The following ETFDH variants were observed in gnomAD, a reference collection of about 807,000 sequenced individuals.
ETFDH encodes electron transfer flavoprotein dehydrogenase.
In ETFDH, 61 loss-of-function variants were observed where a neutral mutation model predicts 73.2. The ratio of observed to expected loss-of-function variants is 0.83; its 90% CI spans 0.68 to 1.03. The LOEUF (loss-of-function observed/expected upper bound fraction) is 1.03. ETFDH is among the 50% of genes least tolerant of loss of function. The probability of loss-of-function intolerance (pLI) is 0.00; values close to 1 mark genes in which losing one functional copy is unlikely to be tolerated. For synonymous variants in ETFDH, 243 were observed against 253.3 expected (o/e 0.96, Z 0.39); for missense variants, 685 against 745.0 (o/e 0.92, Z 0.94).
intron 1 of ETFDH, among the ~76,000 whole-genome samples, chr4:158,675,914 T>A (rs1465777197): frequency 6.6e-6 from 1 of 152,206 alleles, no homozygotes; most frequent in East Asian, 1.9e-4. Context: ...AGACTGTTTT[T>A]CAAAGAGACT....
chr4:158,674,666 A>T (rs1049587719), intron 1 of ETFDH, among the ~76,000 whole-genome samples: 2 of 152,232 alleles, frequency 1.3e-5, no homozygotes, highest in Non-Finnish European at 2.9e-5. Context: ...AAAAATGACC[A>T]AACACAGATT....
In ETFDH at chr4:158,707,926, G is replaced by A. The variant is rs17843970; in HGVS notation, c.1691-438G>A. On this transcript the variant is annotated intron_variant, in intron 12 of 12. Coordinates refer to ENST00000511912, the MANE Select transcript of ETFDH (RefSeq NM_004453.4). Reference sequence around the variant, plus strand: ...AAGTTATGGCCAGAGTGTGGCAAGTGCTTCCTTAAGATGGAAAAGGCATCA... The same window carrying A: ...AAGTTATGGCCAGAGTGTGGCAAGTACTTCCTTAAGATGGAAAAGGCATCA... 7.9e-3 allele frequency among the ~76,000 whole-genome samples: 1,197 copies of A among 152,312 alleles called. 37 individuals are homozygous for A. Among genetic ancestry groups the A allele is most frequent in the South Asian group, 0.077 (370 of 4,834 alleles).
chr4:158,703,712 G>A, intron 10 of ETFDH, 121 bp downstream of exon 10: 1 of 686,596 alleles, frequency 1.5e-6, no homozygotes, highest in East Asian at 2.7e-5. Context: ...AGCATGCTAT[G>A]CAAAGAAAAC....
intron 2 of ETFDH, 115 bp from the exon 3 acceptor site, chr4:158,682,080 C>T: frequency 3.6e-6 from 5 of 1,407,088 alleles, no homozygotes; most frequent in Non-Finnish European, 5.0e-6. Context: ...GTGCAAAACA[C>T]AGGGAGAATT....
At chr4:158,704,924 T>C (rs1774567113) in intron 10 of ETFDH, among the ~76,000 whole-genome samples, 1 of 151,828 alleles carries the variant, frequency 6.6e-6, no homozygotes, top group Non-Finnish European at 1.5e-5. Context: ...TAGAAGTTTT[T>C]TTCTAATTTT....
intron 6 of ETFDH, among the ~76,000 whole-genome samples, chr4:158,693,462 C>G (rs1019938907): frequency 6.6e-6 from 1 of 152,106 alleles, no homozygotes; most frequent in African/African-American, 2.4e-5. Flanking sequence ...CACGGCCTGT[C>G]CCTTGAACAC....
chr4:158,691,343 G>T (rs1015809767), intron 6 of ETFDH, among the ~76,000 whole-genome samples: 1 of 151,210 alleles, frequency 6.6e-6, no homozygotes, highest in Non-Finnish European at 1.5e-5. Context: ...TGTTTGTTTT[G>T]AGACGGAGTT....
At chr4:158,679,848 G>C (rs1429569386) in intron 1 of ETFDH, 1 of 151,738 alleles carries the variant, frequency 6.6e-6, no homozygotes, top group South Asian at 2.1e-4. Flanking sequence ...GAGGCAGGCA[G>C]ATCACTTGAG....
intron 5 of ETFDH, among the ~76,000 whole-genome samples, chr4:158,686,562 A>G (rs1488564094): frequency 2.0e-5 from 3 of 152,196 alleles, no homozygotes; most frequent in South Asian, 2.1e-4. Context: ...CCTCCGAGGT[A>G]TGGCTGGAGC....
chr4:158,702,692 T>C lies in ETFDH; in HGVS notation c.1117-731T>C, dbSNP rs146638771. Among the ~76,000 whole-genome samples, 55 of 152,354 alleles carry C rather than the reference T, an allele frequency of 3.6e-4. No individual in the cohort carries two copies. The East Asian group carries it at 9.8e-3, about 27-fold the overall frequency. ...TATTCCATTGTGTATATATATACCATGTTTCCTTGATCCATTCATCTGTTG... is the reference window on the plus strand; with the variant it reads ...TATTCCATTGTGTATATATATACCACGTTTCCTTGATCCATTCATCTGTTG... On this transcript the variant is annotated intron_variant, in intron 9 of 12. Coordinates refer to ENST00000511912, the MANE Select transcript of ETFDH (RefSeq NM_004453.4).
chr4:158,680,572 C>G lies in ETFDH; in HGVS notation c.140C>G (p.Thr47Ser). The G allele has an allele frequency of 6.2e-7, 1 of 1,609,546 alleles. No individual in the cohort carries two copies. The highest frequency in any genetic ancestry group is 8.5e-7 in the Non-Finnish European group (1 of 1,175,990). The change falls in exon 2 of 13, where the codon ACT becomes AGT. Residue 47 changes from threonine (T) to serine (S), a missense_variant. Physicochemically the swap from Thr to Ser is moderately conservative, Grantham distance 58. Around this residue, in one of 3 missense-constraint regions of ETFDH, gnomAD observed 405 missense variants for 399.3 expected, o/e 1.01. Coordinates refer to ENST00000511912, the MANE Select transcript of ETFDH (RefSeq NM_004453.4). ...GTGCCTCGAATTACTACCCATTATACTATTTATCCCCGGGATAAGGACAAG... is the reference window on the plus strand; with the variant it reads ...GTGCCTCGAATTACTACCCATTATAGTATTTATCCCCGGGATAAGGACAAG... ...STVPRITTHY[T>S]IYPRDKDKRW...
intron 12 of ETFDH, among the ~76,000 whole-genome samples, chr4:158,707,154 C>T (rs2126317595): frequency 6.6e-6 from 1 of 152,188 alleles, no homozygotes; most frequent in South Asian, 2.1e-4. Context: ...GTCATGGCAG[C>T]TCATCTGTAT....
intron 5 of ETFDH, among the ~76,000 whole-genome samples, chr4:158,689,009 G>A (rs1308370795): frequency 6.6e-6 from 1 of 152,050 alleles, no homozygotes; most frequent in East Asian, 1.9e-4. Flanking sequence ...ATCCTTCTTG[G>A]TGTTCCATTT....
At chr4:158,682,026 GAATAT>G (rs1773871852) in intron 2 of ETFDH, 164 bp from the exon 3 acceptor site, 2 of 840,100 alleles carry the variant, frequency 2.4e-6, no homozygotes, top group Admixed American at 5.0e-5. Flanking sequence ...CAGAACCTAA[GAATAT>G]AATCATACTA....
In ETFDH at chr4:158,697,708, T is replaced by C; in HGVS notation, c.972+9T>C. ...TAGCTCTTGGTCTTGTGGTAAGTTA[T>C]ATTCCCATTAGGGAAAATTCTGCTG... On this transcript the variant is annotated intron_variant, in intron 8 of 12. Transcript: ENST00000511912. 3 of 1,612,312 alleles carry C rather than the reference T, an allele frequency of 1.9e-6. No individual in the cohort carries two copies. Among genetic ancestry groups the C allele is most frequent in the South Asian group, 1.1e-5 (1 of 91,068 alleles).
chr4:158,676,950 A>G (rs372305968), intron 1 of ETFDH, among the ~76,000 whole-genome samples: 2 of 152,338 alleles, frequency 1.3e-5, no homozygotes, highest in Non-Finnish European at 1.5e-5. Context: ...TATTCTAAAT[A>G]TAAGTCCATT....
At position 158,709,022 on chromosome 4, in the gene ETFDH, TG is replaced by T. The variant is rs1308821007; in HGVS notation, c.*496del. 0.012 allele frequency: 478 copies of T among 38,688 alleles called. 6 individuals carry two copies. The highest frequency in any genetic ancestry group is 0.024 in the Middle Eastern group (1 of 42). The allele number at this position is 38,688 out of a possible 1,614,324, so 2.4% of individuals were successfully genotyped here. On this transcript the variant is annotated 3_prime_UTR_variant, in exon 13 of 13. Coordinates refer to ENST00000511912, the MANE Select transcript of ETFDH (RefSeq NM_004453.4). ...GTATGCCCATCCCTGAACAAGTTTGTGTGTGTGTGTGTGTGTGTGTGTGTGT... is the reference window on the plus strand; with the variant it reads ...GTATGCCCATCCCTGAACAAGTTTGTTGTGTGTGTGTGTGTGTGTGTGTGT...
At chr4:158,677,323 C>T (rs140792266) in intron 1 of ETFDH, among the ~76,000 whole-genome samples, 7 of 152,276 alleles carry the variant, frequency 4.6e-5, no homozygotes, top group East Asian at 1.9e-4. Flanking sequence ...TTAATCAATA[C>T]GTGTAAGGTT....
intron 5 of ETFDH, among the ~76,000 whole-genome samples, chr4:158,686,636 G>A (rs577693542): frequency 6.6e-6 from 1 of 152,152 alleles, no homozygotes; most frequent in Non-Finnish European, 1.5e-5. Context: ...ACCTTTCTAG[G>A]TTTTATGGCC....
Sources: allele counts gnomAD v4.1 joint callset (sites outside exome capture counted in the v4.1 genomes callset), GRCh38; gene constraint gnomAD v4.1.1; regional missense constraint gnomAD v4.1.1; transcripts MANE v1.5; gene names NCBI Gene and HGNC (gene_info 2026-07-23, HGNC 2026-07-21).